Variants in MAGI2 observed in about 807,000 individuals in gnomAD.
MAGI2 encodes the protein membrane-associated guanylate kinase, WW and PDZ domain-containing protein 2.
A neutral mutation model predicts 133.3 loss-of-function variants in MAGI2; 35 were observed. The observed-to-expected ratio is 0.26, with a 90% CI of 0.20 to 0.35. The LOEUF is 0.35. Among genes scored for constraint, MAGI2 ranks in the 10% least tolerant of loss-of-function variants. The probability of loss-of-function intolerance (pLI) is 1.00; values close to 1 mark genes in which losing one functional copy is unlikely to be tolerated. For missense variants in MAGI2, 1,636 were observed against 1,863.4 expected (o/e 0.88, Z 2.25); for synonymous variants, 729 against 710.6 (o/e 1.03, Z -0.41).
At position 78,655,961 on chromosome 7, in the gene MAGI2, A is replaced by T. The variant is rs1009425280; in HGVS notation, c.419-28722T>A. On this transcript the variant is annotated intron_variant, in intron 2 of 21. Coordinates refer to ENST00000354212, the MANE Select transcript of MAGI2 (RefSeq NM_012301.4). ...GCGCCACTGCACTCCAGCCTGGGCGACAGAGCAAGACTCCGTCTCAAAAAA... is the reference window on the plus strand; with the variant it reads ...GCGCCACTGCACTCCAGCCTGGGCGTCAGAGCAAGACTCCGTCTCAAAAAA... Among the ~76,000 whole-genome samples the T allele has an allele frequency of 2.1e-5, 3 of 145,582 alleles. No individual in the cohort carries two copies. In the Admixed American group the frequency reaches 2.1e-4, roughly 10 times the overall value.
At position 78,043,495 on chromosome 7, in the gene MAGI2, G is replaced by A. The variant is rs1811074507; in HGVS notation, c.3707-23519C>T. Among the ~76,000 whole-genome samples the A allele has an allele frequency of 2.0e-5, 3 of 152,190 alleles. No homozygotes were observed. In the South Asian group the frequency reaches 6.2e-4, roughly 32 times the overall value. ...GTGCAGCTGCTCCCTTGACCTCTGGGGCTGGAAAGGATTGGCCAAAATCTC... is the reference window on the plus strand; with the variant it reads ...GTGCAGCTGCTCCCTTGACCTCTGGAGCTGGAAAGGATTGGCCAAAATCTC... On this transcript the variant is annotated intron_variant, in intron 21 of 21. Transcript: ENST00000354212.
At chr7:78,569,982 T>C (rs1801342334) in intron 3 of MAGI2, among the ~76,000 whole-genome samples, 1 of 152,258 alleles carries the variant, frequency 6.6e-6, no homozygotes, top group Non-Finnish European at 1.5e-5. Context: ...TTTTCATTGT[T>C]CTCATTGCTA....
At chr7:78,341,666 A>G (rs1790389667) in intron 9 of MAGI2, among the ~76,000 whole-genome samples, 1 of 152,190 alleles carries the variant, frequency 6.6e-6, no homozygotes, top group Non-Finnish European at 1.5e-5. Context: ...TACATCTACA[A>G]ACATCTGATC....
chr7:79,128,936 T>C (rs1820671517), intron 1 of MAGI2, among the ~76,000 whole-genome samples: 2 of 152,192 alleles, frequency 1.3e-5, no homozygotes, highest in African/African-American at 4.8e-5. Context: ...AGTGGCATGA[T>C]CTCGGCTCAC....
chr7:79,339,718 G>A lies in MAGI2; in HGVS notation c.301+113302C>T, dbSNP rs192243561. On this transcript the variant is annotated intron_variant, in intron 1 of 21. Transcript: ENST00000354212. ...GTACGTGAGCAGTATTTCTTGAGTT[G>A]TGGCACATTCTATATTGTTTGTGGC... is the stretch of plus-strand genomic sequence containing the variant. Among the ~76,000 whole-genome samples, 951 of 152,164 alleles carry A rather than the reference G, an allele frequency of 6.2e-3. 4 individuals carry two copies. The highest frequency in any genetic ancestry group is 0.011 in the Non-Finnish European group (739 of 67,990).
intron 8 of MAGI2, 40 bp from the exon 9 acceptor site, chr7:78,344,000 T>C (rs1390243643): frequency 6.3e-7 from 1 of 1,575,994 alleles, no homozygotes; most frequent in Non-Finnish European, 8.6e-7. Flanking sequence ...AAAAGGCATG[T>C]TCAAGTCAAG....
intron 2 of MAGI2, among the ~76,000 whole-genome samples, chr7:78,982,823 C>G (rs1804907390): frequency 6.6e-6 from 1 of 151,636 alleles, no homozygotes; most frequent in African/African-American, 2.4e-5. Flanking sequence ...CTAAGAGTAA[C>G]TAAAAAGCCA....
Position 78,471,474 on chromosome 7 carries a change from A to G in MAGI2, c.1045+18287T>C, listed in dbSNP as rs144475080. 2.5e-3 allele frequency among the ~76,000 whole-genome samples: 380 copies of G among 152,322 alleles called. 1 individual carries two copies. Among genetic ancestry groups the G allele is most frequent in the Non-Finnish European group, 4.2e-3 (284 of 68,020 alleles). ...AACTATTAATATTAAATACAGTAAC[A>G]TAAAACTAGTGATGAAGTAGAGAGC... On this transcript the variant is annotated intron_variant, in intron 6 of 21. Coordinates refer to ENST00000354212, the MANE Select transcript of MAGI2 (RefSeq NM_012301.4).
intron 9 of MAGI2, among the ~76,000 whole-genome samples, chr7:78,330,957 G>A (rs1424265707): frequency 2.6e-5 from 4 of 152,034 alleles, no homozygotes; most frequent in African/African-American, 7.3e-5. Flanking sequence ...CATATGGTGC[G>A]TATACACGTG....
intron 2 of MAGI2, among the ~76,000 whole-genome samples, chr7:78,699,565 T>A (rs10231465): frequency 0.077 from 11,716 of 152,202 alleles, 465 homozygotes; most frequent in African/African-American, 0.098. Context: ...ATACAAAAAA[T>A]TCCAAGATCT....
intron 1 of MAGI2, among the ~76,000 whole-genome samples, chr7:79,442,676 T>C (rs942779852): frequency 6.6e-6 from 1 of 152,172 alleles, no homozygotes; most frequent in African/African-American, 2.4e-5. Flanking sequence ...TAATAGGATC[T>C]TTGATAAAGC....
chr7:79,286,087 G>GAAGAAGAGT (rs1256579383), intron 1 of MAGI2, among the ~76,000 whole-genome samples: 1 of 152,008 alleles, frequency 6.6e-6, no homozygotes, highest in Non-Finnish European at 1.5e-5. Flanking sequence ...GGAATGAGGG[G>GAAGAAGAGT]AAGAAGAGTA....
chr7:78,185,312 A>T (rs1047059628), intron 13 of MAGI2, among the ~76,000 whole-genome samples: 5 of 152,206 alleles, frequency 3.3e-5, no homozygotes, highest in Non-Finnish European at 5.9e-5. Flanking sequence ...ACATGTAGCT[A>T]GTGGCTACTG....
At chr7:79,397,165 A>T (rs1845119120) in intron 1 of MAGI2, among the ~76,000 whole-genome samples, 1 of 149,112 alleles carries the variant, frequency 6.7e-6, no homozygotes, top group Non-Finnish European at 1.5e-5. Flanking sequence ...GTTATTATTT[A>T]TATTATATAT....
intron 9 of MAGI2, among the ~76,000 whole-genome samples, chr7:78,275,139 T>C (rs1204724003): frequency 6.6e-6 from 1 of 152,198 alleles, no homozygotes; most frequent in African/African-American, 2.4e-5. Context: ...GCACAGTATC[T>C]GGACTGGAGT....
chr7:78,737,937 A>C (rs553799355), intron 2 of MAGI2, among the ~76,000 whole-genome samples: 1 of 152,222 alleles, frequency 6.6e-6, no homozygotes, highest in African/African-American at 2.4e-5. Context: ...GAAAATATTA[A>C]AACCCTGCTT....
chr7:79,252,409 G>T (rs1833376439), intron 1 of MAGI2, among the ~76,000 whole-genome samples: 1 of 152,048 alleles, frequency 6.6e-6, no homozygotes. Flanking sequence ...AACTCACGGA[G>T]ATAGACAGTG....
intron 1 of MAGI2, among the ~76,000 whole-genome samples, chr7:79,209,714 A>G (rs1829347019): frequency 6.6e-6 from 1 of 152,068 alleles, no homozygotes; most frequent in Admixed American, 6.6e-5. Context: ...TATATTGTGA[A>G]CACAACTCCA....
intron 2 of MAGI2, among the ~76,000 whole-genome samples, chr7:78,832,264 A>G (rs1419987416): frequency 6.6e-6 from 1 of 152,142 alleles, no homozygotes; most frequent in Non-Finnish European, 1.5e-5. Flanking sequence ...TTGACTACTA[A>G]GAAAGGAAAA....
Sources: gnomAD v4.1 joint callset for allele counts (sites outside exome capture counted in the v4.1 genomes callset) on GRCh38, gnomAD v4.1.1 for gene constraint, MANE v1.5 for transcripts, NCBI Gene and HGNC (gene_info 2026-07-23, HGNC 2026-07-21) for gene names.